Variants in ERC2 observed in about 807,000 individuals in gnomAD.
ERC2 encodes the protein ERC protein 2.
A neutral mutation model predicts 114.8 loss-of-function variants in ERC2; 42 were observed. That is an observed-to-expected ratio of 0.37 (90% CI 0.29 to 0.47). ERC2 has a LOEUF of 0.47. Ranked by LOEUF, ERC2 falls within the 20% of genes least tolerant of loss-of-function variation. The pLI is 0.99. For missense variants in ERC2, 939 were observed against 1,150.7 expected (o/e 0.82, Z 2.66); for synonymous variants, 454 against 425.5 (o/e 1.07, Z -0.82).
intron 2 of ERC2, among the ~76,000 whole-genome samples, chr3:56,338,257 G>A (rs1279578311): frequency 2.0e-5 from 3 of 152,142 alleles, no homozygotes; most frequent in Admixed American, 2.0e-4. Flanking sequence ...GATTCATTAT[G>A]CTGTACATTT....
intron 10 of ERC2, among the ~76,000 whole-genome samples, chr3:55,996,899 C>G (rs773430707): frequency 1.2e-4 from 19 of 152,070 alleles, no homozygotes; most frequent in Non-Finnish European, 2.5e-4. Context: ...AGTTAAGAAG[C>G]CAAAAATGGC....
intron 7 of ERC2, among the ~76,000 whole-genome samples, chr3:56,043,460 A>G (rs573281193): frequency 3.3e-4 from 50 of 152,244 alleles, no homozygotes; most frequent in African/African-American, 1.1e-3. Flanking sequence ...GGACTTCTTT[A>G]TTTATTCAAA....
chr3:55,567,519 C>G (rs1458337181), intron 17 of ERC2, among the ~76,000 whole-genome samples: 5 of 152,058 alleles, frequency 3.3e-5, no homozygotes, highest in Non-Finnish European at 4.4e-5. Flanking sequence ...AAAAACTGGT[C>G]CTTCTGAGCG....
chr3:55,751,473 CT>C (rs1279410765), intron 14 of ERC2, among the ~76,000 whole-genome samples: 14 of 152,142 alleles, frequency 9.2e-5, no homozygotes, highest in African/African-American at 3.4e-4. Flanking sequence ...CTCTGCCTCT[CT>C]TTCGTTTGTT....
chr3:55,804,805 G>A (rs991832090), intron 14 of ERC2, among the ~76,000 whole-genome samples: 1 of 152,064 alleles, frequency 6.6e-6, no homozygotes, highest in Non-Finnish European at 1.5e-5. Flanking sequence ...TTCAGTCCGA[G>A]TTGGTTTTAT....
intron 17 of ERC2, among the ~76,000 whole-genome samples, chr3:55,538,030 T>C (rs542793066): frequency 3.9e-4 from 59 of 152,280 alleles, no homozygotes; most frequent in Middle Eastern, 6.8e-3. Context: ...TCAAATCCTT[T>C]GAGGTCATTT....
chr3:56,299,678 C>T (rs2055732319), intron 2 of ERC2, among the ~76,000 whole-genome samples: 1 of 152,144 alleles, frequency 6.6e-6, no homozygotes. Context: ...GATCCACCTG[C>T]CTCAGCCTCC....
chr3:56,062,862 T>G (rs554904093), intron 7 of ERC2, among the ~76,000 whole-genome samples: 1 of 152,192 alleles, frequency 6.6e-6, no homozygotes, highest in African/African-American at 2.4e-5. Context: ...AAATCTTACC[T>G]TCTCAACAGA....
rs1313768792 is a variant in ERC2 at position 55,509,077 on chromosome 3, G to C, written c.*2239C>G. 1 of 152,612 alleles carries C rather than the reference G, an allele frequency of 6.6e-6. No individual in the cohort carries two copies. The highest frequency in any genetic ancestry group is 1.5e-5 in the Non-Finnish European group (1 of 68,030). The allele number at this position is 152,612 out of a possible 1,614,324, so 9.5% of individuals were successfully genotyped here. A position where few individuals can be genotyped will look rare whatever the true frequency, so the allele number is the denominator to read the frequency against. ...AAATGGGAAAGGTTGTTATGTTAGA[G>C]AGAATTTAATTTTTAAGGGACTAAA... On this transcript the variant is annotated 3_prime_UTR_variant, in exon 18 of 18. Transcript: ENST00000288221.
rs911360502 is a variant in ERC2 at position 56,374,163 on chromosome 3, C to G, written c.657+60188G>C. ...CGAGGCTGGAGTGCAGAGGCGAGAT[C>G]TCAGCTCACTGTAACCTCCACCTTC... On this transcript the variant is annotated intron_variant, in intron 2 of 17. Coordinates refer to ENST00000288221, the MANE Select transcript of ERC2 (RefSeq NM_015576.3). Among the ~76,000 whole-genome samples the G allele has an allele frequency of 3.9e-5, 6 of 152,336 alleles. No individual in the cohort carries two copies. The East Asian group carries it at 1.2e-3, about 29-fold the overall frequency.
chr3:56,371,507 A>G (rs1425178826), intron 2 of ERC2, among the ~76,000 whole-genome samples: 2 of 152,236 alleles, frequency 1.3e-5, no homozygotes, highest in Non-Finnish European at 2.9e-5. Flanking sequence ...CTCTGAATCA[A>G]TAACCTCTGT....
intron 17 of ERC2, among the ~76,000 whole-genome samples, chr3:55,552,352 A>G (rs2055268504): frequency 6.6e-6 from 1 of 151,794 alleles, no homozygotes; most frequent in African/African-American, 2.4e-5. Flanking sequence ...CATTGTTTTC[A>G]TTTTCATGTT....
At chr3:56,091,161 G>A (rs1197257678) in intron 6 of ERC2, among the ~76,000 whole-genome samples, 1 of 152,138 alleles carries the variant, frequency 6.6e-6, no homozygotes, top group Non-Finnish European at 1.5e-5. Context: ...AGGAGCTGCT[G>A]CAATGAGCCA....
intron 12 of ERC2, among the ~76,000 whole-genome samples, chr3:55,954,050 G>T (rs1264930968): frequency 8.3e-6 from 1 of 120,308 alleles, no homozygotes; most frequent in African/African-American, 3.2e-5. Context: ...ACTTGGCAAG[G>T]CTCTGCAAGA....
At chr3:56,171,926 AAGGTGGGTGTGG>A (rs1274373361) in intron 4 of ERC2, among the ~76,000 whole-genome samples, 4 of 145,104 alleles carry the variant, frequency 2.8e-5, no homozygotes, top group Non-Finnish European at 4.5e-5. Context: ...GCTGACTGGG[AAGGTGGGTGTGG>A]AGGTGGATGG....
At chr3:56,098,024 T>C (rs927366669) in intron 6 of ERC2, among the ~76,000 whole-genome samples, 5 of 152,176 alleles carry the variant, frequency 3.3e-5, no homozygotes, top group Admixed American at 1.3e-4. Context: ...AATGTGCTGA[T>C]AGCATCCTAT....
At chr3:56,024,147 A>G (rs1245716339) in intron 7 of ERC2, among the ~76,000 whole-genome samples, 1 of 152,220 alleles carries the variant, frequency 6.6e-6, no homozygotes, top group East Asian at 1.9e-4. Context: ...GAAACAGCTC[A>G]GTCTGATTTA....
At chr3:55,835,034 C>T (rs1239106337) in intron 14 of ERC2, among the ~76,000 whole-genome samples, 5 of 151,634 alleles carry the variant, frequency 3.3e-5, no homozygotes, top group Non-Finnish European at 7.4e-5. Context: ...CATACACCCT[C>T]CCAAGACTAA....
intron 15 of ERC2, among the ~76,000 whole-genome samples, chr3:55,733,812 G>C (rs1331275698): frequency 6.6e-6 from 1 of 152,080 alleles, no homozygotes; most frequent in Non-Finnish European, 1.5e-5. Context: ...GAGTCAATAT[G>C]GACACACTCC....
Sources: allele counts gnomAD v4.1 joint callset (sites outside exome capture counted in the v4.1 genomes callset), GRCh38; gene constraint gnomAD v4.1.1; transcripts MANE v1.5; gene names NCBI Gene and HGNC (gene_info 2026-07-23, HGNC 2026-07-21).